IGFL2: variants seen among roughly 807,000 people sequenced by gnomAD.
IGFL2 encodes IGF like family member 2.
In IGFL2, 7 loss-of-function variants were observed where a neutral mutation model predicts 13.9. The observed-to-expected ratio is 0.51, with a 90% CI of 0.29 to 0.95. IGFL2 has a LOEUF of 0.95. Ranked by LOEUF, IGFL2 falls within the 40% of genes least tolerant of loss-of-function variation. The pLI is 0.08. For synonymous variants in IGFL2, 55 were observed against 55.8 expected (o/e 0.99, Z 0.07); for missense variants, 138 against 147.8 (o/e 0.93, Z 0.34).
At chr19:46,152,266 GTTT>G (rs55934631) in intron 1 of IGFL2, among the ~76,000 whole-genome samples, 2 of 134,006 alleles carry the variant, frequency 1.5e-5, no homozygotes, top group African/African-American at 5.8e-5. Flanking sequence ...GCTTCCTTAG[GTTT>G]TTTTTTTTTT....
At chr19:46,179,309 C>T in the IGFL2 span, among the ~76,000 whole-genome samples, 2 of 88,684 alleles carry the variant, frequency 2.3e-5, no homozygotes, top group Admixed American at 1.6e-4. Context: ...GGCAGGGCTG[C>T]AGAGGTGCAG....
chr19:46,201,472 C>T, the IGFL2 span, among the ~76,000 whole-genome samples: 2 of 152,208 alleles, frequency 1.3e-5, no homozygotes, highest in Admixed American at 1.3e-4. Flanking sequence ...TAGAAGACAT[C>T]GCTGGCCTTC....
At chr19:46,127,536 A>G in the IGFL2 span, among the ~76,000 whole-genome samples, 14 of 152,176 alleles carry the variant, frequency 9.2e-5, no homozygotes, top group African/African-American at 3.4e-4. Context: ...GTCCCGGACA[A>G]TTTTTGCTGA....
chr19:46,121,998 C>A, the IGFL2 span, among the ~76,000 whole-genome samples: 1 of 151,068 alleles, frequency 6.6e-6, no homozygotes, highest in African/African-American at 2.5e-5. Flanking sequence ...AATGCTGTAC[C>A]TTTATGCAAA....
At chr19:46,156,962 T>C (rs1233135673) in intron 1 of IGFL2, among the ~76,000 whole-genome samples, 3 of 152,156 alleles carry the variant, frequency 2.0e-5, no homozygotes, top group Non-Finnish European at 4.4e-5. Context: ...ATATAGGTTT[T>C]GCAGACACTA....
the IGFL2 span, among the ~76,000 whole-genome samples, chr19:46,174,784 ACT>A: frequency 2.0e-5 from 3 of 152,058 alleles, no homozygotes; most frequent in Non-Finnish European, 2.9e-5. Flanking sequence ...TCCCAGATTA[ACT>A]CTCTAAATTC....
intron 1 of IGFL2, among the ~76,000 whole-genome samples, chr19:46,153,817 G>GTATA (rs373971338): frequency 2.1e-3 from 309 of 145,228 alleles, no homozygotes; most frequent in Non-Finnish European, 2.6e-3. Flanking sequence ...TTATATATGT[G>GTATA]TATATATATA....
chr19:46,096,158 A>G, the IGFL2 span, among the ~76,000 whole-genome samples: 1 of 152,074 alleles, frequency 6.6e-6, no homozygotes. Flanking sequence ...ACAAGTGTGG[A>G]ATGTTTTTCT....
At chr19:46,161,950 G>A (rs1014952774), downstream of IGFL2, among the ~76,000 whole-genome samples, 1 of 152,210 alleles carries the variant, frequency 6.6e-6, no homozygotes, top group Non-Finnish European at 1.5e-5. Context: ...GTATTAGCTG[G>A]TTGTGGTCTT....
the IGFL2 span, chr19:46,101,173 C>T: frequency 6.6e-6 from 1 of 152,340 alleles, no homozygotes; most frequent in Non-Finnish European, 1.5e-5. Flanking sequence ...CTGGTGACCC[C>T]TGGTTGGTGG....
chr19:46,164,590 T>C (rs979536467), downstream of IGFL2: 2 of 152,222 alleles, frequency 1.3e-5, no homozygotes, highest in Non-Finnish European at 2.9e-5. Flanking sequence ...TTTTATCAAT[T>C]TAGCCAGTGT....
the IGFL2 span, among the ~76,000 whole-genome samples, chr19:46,132,198 C>T: frequency 1.3e-5 from 2 of 152,068 alleles, no homozygotes; most frequent in Non-Finnish European, 2.9e-5. Flanking sequence ...TGCTGGCATG[C>T]TACGGTTTTG....
At chr19:46,214,793 T>C in the IGFL2 span, 1 of 152,162 alleles carries the variant, frequency 6.6e-6, no homozygotes, top group Non-Finnish European at 1.5e-5. Context: ...CAAAGAGCTG[T>C]GATGGAGTGG....
chr19:46,201,152 A>G, the IGFL2 span, among the ~76,000 whole-genome samples: 1 of 152,214 alleles, frequency 6.6e-6, no homozygotes, highest in African/African-American at 2.4e-5. Context: ...GGAAGACTGC[A>G]GGCCCCTCGT....
At chr19:46,144,046 T>G (rs140747156), upstream of IGFL2, among the ~76,000 whole-genome samples, 142 of 152,354 alleles carry the variant, frequency 9.3e-4, no homozygotes, top group Non-Finnish European at 1.7e-3. Context: ...CCTGACCACC[T>G]TCACTTAGCA....
chr19:46,151,670 G>T (rs554757211), intron 1 of IGFL2, among the ~76,000 whole-genome samples: 1 of 152,168 alleles, frequency 6.6e-6, no homozygotes, highest in East Asian at 1.9e-4. Flanking sequence ...AGCACTTTTG[G>T]AGGCCAAGGA....
At chr19:46,134,171 A>AT in the IGFL2 span, among the ~76,000 whole-genome samples, 2 of 152,184 alleles carry the variant, frequency 1.3e-5, no homozygotes, top group African/African-American at 2.4e-5. Flanking sequence ...GTTGTTCAAC[A>AT]TTCTTTCTGG....
chr19:46,161,284 A>G lies in IGFL2; in HGVS notation c.*196A>G. 1.7e-6 allele frequency: 1 copy of G among 574,888 alleles called. No homozygotes were observed. Among genetic ancestry groups the G allele is most frequent in the South Asian group, 2.3e-5 (1 of 42,762 alleles). The allele number at this position is 574,888 out of a possible 1,614,324, so 35.6% of individuals were successfully genotyped here. ...AGGAAATAAATAAAGTGGTTTTTCC[A>G]ATGTACACACCTGTACCCAATGTCG... On this transcript the variant is annotated 3_prime_UTR_variant, in exon 4 of 4. Transcript: ENST00000377693.
At chr19:46,106,117 G>C in the IGFL2 span, among the ~76,000 whole-genome samples, 233 of 152,292 alleles carry the variant, frequency 1.5e-3, 1 homozygote, top group African/African-American at 5.0e-3. Context: ...TTGTAGAAGG[G>C]GTTGGGGTTT....
Sources: gnomAD v4.1 joint callset for allele counts (sites outside exome capture counted in the v4.1 genomes callset) on GRCh38, gnomAD v4.1.1 for gene constraint, MANE v1.5 for transcripts, NCBI Gene and HGNC (gene_info 2026-07-23, HGNC 2026-07-21) for gene names.